Variants in CPNE4 observed in about 807,000 individuals in gnomAD.
CPNE4 encodes the protein copine-4.
A neutral mutation model predicts 67.9 loss-of-function variants in CPNE4; 25 were observed. That is an observed-to-expected ratio of 0.37 (90% confidence interval 0.27 to 0.51). The LOEUF (loss-of-function observed/expected upper bound fraction) is 0.51, where lower values mean the gene tolerates loss of function less well. Ranked by LOEUF, CPNE4 falls within the 20% of genes least tolerant of loss-of-function variation. The probability of loss-of-function intolerance (pLI) is 0.93; values close to 1 mark genes in which losing one functional copy is unlikely to be tolerated. For synonymous variants in CPNE4, 242 were observed against 244.9 expected (o/e 0.99, Z 0.11); for missense variants, 464 against 690.8 (o/e 0.67, Z 3.68).
At chr3:131,842,457 T>C (rs756008852) in intron 2 of CPNE4, among the ~76,000 whole-genome samples, 54 of 152,148 alleles carry the variant, frequency 3.5e-4, no homozygotes, top group Non-Finnish European at 6.6e-4. Context: ...CTGTGTTGTG[T>C]AGTTATACAA....
At chr3:131,865,163 TC>T (rs1194413696) in intron 2 of CPNE4, among the ~76,000 whole-genome samples, 1 of 152,094 alleles carries the variant, frequency 6.6e-6, no homozygotes, top group Non-Finnish European at 1.5e-5. Context: ...GGTCTAAAAT[TC>T]CCTTTTTTTT....
At chr3:131,927,967 G>A (rs2070944406) in intron 1 of CPNE4, among the ~76,000 whole-genome samples, 1 of 152,166 alleles carries the variant, frequency 6.6e-6, no homozygotes, top group Non-Finnish European at 1.5e-5. Flanking sequence ...TTGGATGTAT[G>A]CATGAGATAA....
intron 6 of CPNE4, among the ~76,000 whole-genome samples, chr3:131,685,391 T>G (rs568861855): frequency 6.9e-6 from 1 of 144,466 alleles, no homozygotes; most frequent in Non-Finnish European, 1.5e-5. Flanking sequence ...GACAACTAAA[T>G]TGAGGATTAA....
At chr3:131,868,482 T>C (rs889054043) in intron 2 of CPNE4, among the ~76,000 whole-genome samples, 2 of 152,230 alleles carry the variant, frequency 1.3e-5, no homozygotes, top group South Asian at 2.1e-4. Context: ...AGTGACTCCA[T>C]GCATCTGCTT....
chr3:131,618,192 G>A (rs1189432535), intron 7 of CPNE4, among the ~76,000 whole-genome samples: 1 of 152,104 alleles, frequency 6.6e-6, no homozygotes, highest in Non-Finnish European at 1.5e-5. Flanking sequence ...AGTGAATACT[G>A]GGGTAGTTTG....
chr3:131,595,739 C>T (rs1417078844), intron 7 of CPNE4, among the ~76,000 whole-genome samples: 1 of 152,168 alleles, frequency 6.6e-6, no homozygotes, highest in African/African-American at 2.4e-5. Context: ...AGGAAGACTC[C>T]ACCCCTATGA....
At chr3:131,757,988 T>C (rs1353729867) in intron 2 of CPNE4, among the ~76,000 whole-genome samples, 1 of 152,142 alleles carries the variant, frequency 6.6e-6, no homozygotes, top group Non-Finnish European at 1.5e-5. Context: ...AGAAGATGTA[T>C]GGAAATGCCT....
chr3:131,896,867 C>G, intron 2 of CPNE4, among the ~76,000 whole-genome samples: 1 of 152,052 alleles, frequency 6.6e-6, no homozygotes, highest in Non-Finnish European at 1.5e-5. Context: ...TAATTTTTCT[C>G]TACAAAATGC....
Position 131,709,652 on chromosome 3 carries a change from TTAGAAAATCG to T in CPNE4, c.361-9682_361-9673del, listed in dbSNP as rs773086702. 2.3e-4 allele frequency among the ~76,000 whole-genome samples: 35 copies of T among 152,326 alleles called. 1 individual carries two copies. The South Asian group carries it at 2.9e-3, about 13-fold the overall frequency. Reference sequence around the variant, plus strand: ...CTCAGTTTAACTCATGCCTCCCTCATTAGAAAATCGTGTGCTCCTAAGCAAGTTACTTCAA... The same window carrying T: ...CTCAGTTTAACTCATGCCTCCCTCATTGTGCTCCTAAGCAAGTTACTTCAA... On this transcript the variant is annotated intron_variant, in intron 3 of 15. Transcript: ENST00000429747.
In CPNE4 at chr3:131,830,831, T is replaced by C. The variant is rs377640173; in HGVS notation, c.180+74433A>G. Among the ~76,000 whole-genome samples the C allele has an allele frequency of 5.9e-5, 9 of 152,258 alleles. 1 individual carries two copies. Among genetic ancestry groups the C allele is most frequent in the African/African-American group, 1.7e-4 (7 of 41,566 alleles). ...TAGCATATAGTAGGTACTGAATAAA[T>C]ATTTATTGAAGAAGTCAATAAATTT... On this transcript the variant is annotated intron_variant, in intron 2 of 15. Transcript: ENST00000429747.
At chr3:131,893,293 G>A (rs2088188931) in intron 2 of CPNE4, among the ~76,000 whole-genome samples, 1 of 151,894 alleles carries the variant, frequency 6.6e-6, no homozygotes, top group East Asian at 1.9e-4. Flanking sequence ...AAATATATAG[G>A]CACTCAATGC....
Position 131,744,626 on chromosome 3 carries a change from T to C in CPNE4, c.181-21001A>G, listed in dbSNP as rs141487625. Among the ~76,000 whole-genome samples, 23 of 152,342 alleles carry C rather than the reference T, an allele frequency of 1.5e-4. No homozygotes were observed. The East Asian group carries it at 2.5e-3, about 17-fold the overall frequency. On this transcript the variant is annotated intron_variant, in intron 2 of 15. Coordinates refer to ENST00000429747, the MANE Select transcript of CPNE4 (RefSeq NM_130808.3). ...CTTCTAAACTGCTGGCATCCATTAA[T>C]GTGTTCTCTATTTCTATCATTTTGT...
chr3:131,547,739 G>C (rs147544250), intron 14 of CPNE4, among the ~76,000 whole-genome samples: 67 of 152,184 alleles, frequency 4.4e-4, no homozygotes, highest in Admixed American at 1.4e-3. Flanking sequence ...TAGCTCCCCA[G>C]GGTCTCCAGT....
At chr3:131,965,640 A>G (rs1258287642) in intron 1 of CPNE4, among the ~76,000 whole-genome samples, 12 of 152,224 alleles carry the variant, frequency 7.9e-5, no homozygotes, top group Admixed American at 7.9e-4. Flanking sequence ...GGCATTACAT[A>G]ATGGTAAAGG....
At chr3:131,777,752 GA>G (rs2083326127) in intron 2 of CPNE4, among the ~76,000 whole-genome samples, 3 of 152,216 alleles carry the variant, frequency 2.0e-5, no homozygotes, top group Middle Eastern at 6.8e-3. Flanking sequence ...CCATGACCAA[GA>G]GTGGACCTTA....
chr3:131,535,383 T>C, intron 15 of CPNE4, 54 bp from the exon 16 acceptor site: 1 of 1,558,654 alleles, frequency 6.4e-7, no homozygotes, highest in Non-Finnish European at 8.7e-7. Context: ...GGAATCAGAC[T>C]CATCCTAAAA....
intron 2 of CPNE4, among the ~76,000 whole-genome samples, chr3:131,784,528 T>C (rs1355785): frequency 0.67 from 102,325 of 151,834 alleles, 34,792 homozygotes; most frequent in Admixed American, 0.74. Flanking sequence ...AATTATCACA[T>C]TGAGGGGTAA....
intron 2 of CPNE4, among the ~76,000 whole-genome samples, chr3:131,877,860 A>C (rs1353156425): frequency 2.6e-5 from 4 of 152,258 alleles, no homozygotes; most frequent in African/African-American, 9.6e-5. Flanking sequence ...GGACACCCAT[A>C]TACCCAGCAA....
intron 2 of CPNE4, among the ~76,000 whole-genome samples, chr3:131,822,902 A>C (rs2085011448): frequency 6.6e-6 from 1 of 152,076 alleles, no homozygotes; most frequent in Non-Finnish European, 1.5e-5. Context: ...CAGTGGTGCG[A>C]TCTCGGCTCA....
Sources: allele counts gnomAD v4.1 joint callset (sites outside exome capture counted in the v4.1 genomes callset), GRCh38; gene constraint gnomAD v4.1.1; transcripts MANE v1.5; gene names NCBI Gene and HGNC (gene_info 2026-07-23, HGNC 2026-07-21).